The following RELL1 variants were observed in gnomAD, a reference collection of about 807,000 sequenced individuals.
RELL1 encodes the protein RELT-like protein 1.
A neutral mutation model predicts 23.0 loss-of-function variants in RELL1; 10 were observed. The observed-to-expected ratio is 0.43, with a 90% confidence interval of 0.27 to 0.74. RELL1 has a LOEUF of 0.74. Ranked by LOEUF, RELL1 falls within the 30% of genes least tolerant of loss-of-function variation. RELL1 has a pLI of 0.19. For missense variants in RELL1, 315 were observed against 364.4 expected (o/e 0.86, Z 1.10); for synonymous variants, 146 against 146.8 (o/e 0.99, Z 0.04).
intron 6 of RELL1, among the ~76,000 whole-genome samples, chr4:37,604,222 C>A (rs1280549466): frequency 6.6e-6 from 1 of 152,098 alleles, no homozygotes; most frequent in Non-Finnish European, 1.5e-5. Flanking sequence ...CCCTAATGAG[C>A]CAAGAAAGAC....
chr4:37,627,768 A>G (rs1166502390), intron 6 of RELL1, among the ~76,000 whole-genome samples: 1 of 152,268 alleles, frequency 6.6e-6, no homozygotes, highest in African/African-American at 2.4e-5. Context: ...CTGTTCTACA[A>G]TAAAACAAAA....
intron 1 of RELL1, among the ~76,000 whole-genome samples, chr4:37,680,804 C>T (rs891027929): frequency 1.3e-5 from 2 of 151,682 alleles, no homozygotes; most frequent in African/African-American, 4.8e-5. Context: ...TGGTGGTGGG[C>T]GCCTGTAGTC....
chr4:37,598,218 G>A (rs1164176882), intron 6 of RELL1, among the ~76,000 whole-genome samples: 1 of 86,214 alleles, frequency 1.2e-5, no homozygotes, highest in African/African-American at 4.5e-5. Flanking sequence ...TTCCTTGAAT[G>A]TTCTGTTCTG....
At chr4:37,648,220 A>T (rs1720776141) in intron 2 of RELL1, among the ~76,000 whole-genome samples, 3 of 152,230 alleles carry the variant, frequency 2.0e-5, no homozygotes, top group African/African-American at 7.2e-5. Flanking sequence ...CTGCTAAGCC[A>T]ACCTACAGAG....
chr4:37,676,254 G>A (rs1169185067), intron 1 of RELL1, among the ~76,000 whole-genome samples: 2 of 152,124 alleles, frequency 1.3e-5, no homozygotes, highest in African/African-American at 4.8e-5. Context: ...ATAAAGGCAG[G>A]TACTGAGTCT....
At chr4:37,638,323 C>A in intron 4 of RELL1, 124 bp downstream of exon 4, 2 of 747,424 alleles carry the variant, frequency 2.7e-6, no homozygotes, top group African/African-American at 1.8e-5. Context: ...ACTACCTGGT[C>A]CCAAAATAAC....
intron 1 of RELL1, among the ~76,000 whole-genome samples, chr4:37,676,807 G>A (rs1722036539): frequency 6.6e-6 from 1 of 152,150 alleles, no homozygotes; most frequent in South Asian, 2.1e-4. Context: ...TGGACCAAGA[G>A]TCCTAACACC....
Position 37,649,295 on chromosome 4 carries a change from C to T in RELL1, c.294G>A (p.Glu98=). The T allele has an allele frequency of 6.2e-7, 1 of 1,614,104 alleles. No individual in the cohort carries two copies. Among genetic ancestry groups the T allele is most frequent in the South Asian group, 1.1e-5 (1 of 91,054 alleles). The change falls in exon 2 of 7, where the codon GAG becomes GAA. Residue 98 remains glutamate (E), a synonymous_variant. Coordinates refer to ENST00000454158, the MANE Select transcript of RELL1 (RefSeq NM_001085400.2). The part of the protein sequence containing the change: ...CTTEAEQDIE[E]EKVEKIELND... ...ATTTACCTATCTTTTCAACCTTTTCCTCTTCGATATCTTGCTCTGCTTCTG... is the reference window on the plus strand; with the variant it reads ...ATTTACCTATCTTTTCAACCTTTTCTTCTTCGATATCTTGCTCTGCTTCTG...
chr4:37,591,894 A>T lies in RELL1; in HGVS notation c.*4-677T>A, dbSNP rs539051130. ...TTTCTCAGAATATCAGTGACCCTGG[A>T]TGTTACTTTCAATGTAAAGAACTAA... On this transcript the variant is annotated intron_variant, in intron 6 of 6. Transcript: ENST00000314117. 2.0e-5 allele frequency: 3 copies of T among 152,284 alleles called. No homozygotes were observed. In the East Asian group the frequency reaches 5.8e-4, roughly 29 times the overall value. The allele number at this position is 152,284 out of a possible 1,614,324, so 9.4% of individuals were successfully genotyped here.
At chr4:37,640,310 G>A (rs928699358) in intron 3 of RELL1, among the ~76,000 whole-genome samples, 22 of 151,948 alleles carry the variant, frequency 1.4e-4, no homozygotes, top group African/African-American at 3.6e-4. Context: ...TTATGAAAAC[G>A]GATCCATAGT....
chr4:37,605,232 T>C (rs540503737), intron 6 of RELL1, among the ~76,000 whole-genome samples: 105 of 152,278 alleles, frequency 6.9e-4, no homozygotes, highest in African/African-American at 2.2e-3. Context: ...AAGATGTGTG[T>C]ATCCGCATGG....
chr4:37,659,891 T>C (rs960081890), intron 1 of RELL1, among the ~76,000 whole-genome samples: 1 of 152,064 alleles, frequency 6.6e-6, no homozygotes, highest in Non-Finnish European at 1.5e-5. Context: ...AAGATCAAGA[T>C]CAAGAATGGC....
At chr4:37,607,128 G>A (rs903420969), downstream of RELL1, among the ~76,000 whole-genome samples, 5 of 152,152 alleles carry the variant, frequency 3.3e-5, no homozygotes, top group African/African-American at 4.8e-5. Flanking sequence ...TCAAGATCAC[G>A]AAACACAAGA....
chr4:37,613,750 C>T (rs1315374890), intron 6 of RELL1, among the ~76,000 whole-genome samples: 2 of 152,196 alleles, frequency 1.3e-5, no homozygotes, highest in Non-Finnish European at 2.9e-5. Flanking sequence ...AATATTCCAT[C>T]TTAGGTCTTT....
chr4:37,647,286 A>C, intron 3 of RELL1, 82 bp downstream of exon 3: 3 of 895,804 alleles, frequency 3.3e-6, no homozygotes, highest in Non-Finnish European at 5.5e-6. Context: ...AAGAGAGTCT[A>C]TATAAATCTT....
Position 37,635,034 on chromosome 4 carries a change from T to C in RELL1, c.533A>G (p.His178Arg). The C allele has an allele frequency of 1.2e-6, 2 of 1,614,256 alleles. No homozygotes were observed. Among genetic ancestry groups the C allele is most frequent in the Non-Finnish European group, 1.7e-6 (2 of 1,180,052 alleles). ...GGTPGKHVCG[H>R]HLHTVGGVVE... ...AACACCGCCCACCGTATGCAGATGA[T>C]GGCCACAGACGTGCTTCCCTGGCGT... Residue 178 changes from histidine (H) to arginine (R), a missense_variant, in exon 5 of 7, where the codon CAT becomes CGT. By Grantham distance (29) the His-to-Arg change is conservative (BLOSUM62 0). Coordinates refer to ENST00000454158, the MANE Select transcript of RELL1 (RefSeq NM_001085400.2).
rs1722399792 is a variant in RELL1 at position 37,686,098 on chromosome 4, A to G, written c.88+102T>C. On this transcript the variant is annotated intron_variant, in intron 1 of 6. Coordinates refer to ENST00000454158, the MANE Select transcript of RELL1 (RefSeq NM_001085400.2). ...TGCCGGGATCCCGCGGCTGTGCCAG[A>G]AAGCAGGACGCCGCGGGGCTGCCGT... 9 of 1,012,884 alleles carry G rather than the reference A, an allele frequency of 8.9e-6. 1 individual carries two copies. The highest frequency in any genetic ancestry group is 1.1e-5 in the Non-Finnish European group (8 of 696,980). The allele number at this position is 1,012,884 out of a possible 1,614,324, so 62.7% of individuals were successfully genotyped here.
At chr4:37,618,896 T>C (rs977353529) in intron 6 of RELL1, among the ~76,000 whole-genome samples, 1 of 152,040 alleles carries the variant, frequency 6.6e-6, no homozygotes. Flanking sequence ...TCTTTTCTTT[T>C]GAGACGGAGT....
chr4:37,673,962 G>A (rs1157096265), intron 1 of RELL1, among the ~76,000 whole-genome samples: 1 of 152,146 alleles, frequency 6.6e-6, no homozygotes, highest in African/African-American at 2.4e-5. Context: ...CCACCTCCAT[G>A]CCTTTGCACA....
Sources: allele counts gnomAD v4.1 joint callset (sites outside exome capture counted in the v4.1 genomes callset), GRCh38; gene constraint gnomAD v4.1.1; transcripts MANE v1.5; gene names NCBI Gene and HGNC (gene_info 2026-07-23, HGNC 2026-07-21).